The following FOCAD variants were observed in gnomAD, a reference collection of about 807,000 sequenced individuals.
FOCAD encodes KIAA1797.
A neutral mutation model predicts 225.6 loss-of-function variants in FOCAD; 198 were observed. The observed-to-expected ratio is 0.88, with a 90% CI of 0.78 to 0.99. The LOEUF (loss-of-function observed/expected upper bound fraction) is 0.99. Among genes scored for constraint, FOCAD ranks in the 50% least tolerant of loss-of-function variants. The pLI is 0.00. For synonymous variants in FOCAD, 897 were observed against 755.0 expected (o/e 1.19, Z -3.08); for missense variants, 2,713 against 2,123.6 (o/e 1.28, Z -5.46).
intron 15 of FOCAD, among the ~76,000 whole-genome samples, chr9:20,857,252 GT>G (rs1339483818): frequency 2.0e-5 from 3 of 151,640 alleles, no homozygotes; most frequent in African/African-American, 4.8e-5. Context: ...TTTTTTCTGT[GT>G]GTCCTCTTCA....
chr9:20,932,847 C>T (rs1235322239), intron 27 of FOCAD, among the ~76,000 whole-genome samples, 167 bp from the exon 28 acceptor site: 1 of 151,796 alleles, frequency 6.6e-6, no homozygotes, highest in Non-Finnish European at 1.5e-5. Flanking sequence ...GACTTAGTTT[C>T]TGTAACTACC....
In FOCAD at chr9:20,789,375, G is replaced by C. The variant is rs1234956058; in HGVS notation, c.1222G>C (p.Val408Leu). The change falls in exon 11 of 44, where the codon GTA (valine) becomes CTA (leucine). Residue 408 changes from valine to leucine, a missense_variant. Transcript: ENST00000338382. ...QKLSYKLVCPVTSMYGTIFTA... is the reference protein window; with the variant it reads ...QKLSYKLVCPLTSMYGTIFTA... ...GCTCTCCTACAAGCTTGTGTGCCCTGTAACCAGTATGTATGGTACAATATT... is the reference window on the plus strand; with the variant it reads ...GCTCTCCTACAAGCTTGTGTGCCCTCTAACCAGTATGTATGGTACAATATT... 1 of 1,613,736 alleles carries C rather than the reference G, an allele frequency of 6.2e-7. No homozygotes were observed. The highest frequency in any genetic ancestry group is 1.3e-5 in the African/African-American group (1 of 74,890).
chr9:20,935,775 G>T (rs1414505602), intron 28 of FOCAD, among the ~76,000 whole-genome samples: 1 of 152,188 alleles, frequency 6.6e-6, no homozygotes, highest in Non-Finnish European at 1.5e-5. Flanking sequence ...GATGATTTAT[G>T]TTTCCCTGTG....
intron 21 of FOCAD, among the ~76,000 whole-genome samples, chr9:20,905,077 A>G (rs1832847086): frequency 1.3e-5 from 2 of 151,964 alleles, no homozygotes; most frequent in South Asian, 4.1e-4. Context: ...CTTCATTAAG[A>G]GAAAAAGCAA....
upstream of FOCAD, chr9:20,684,029 G>C (rs1822498792): frequency 6.6e-6 from 1 of 152,466 alleles, no homozygotes; most frequent in East Asian, 1.9e-4. Flanking sequence ...GCCAGCCCCC[G>C]CGCGCAGCCC....
chr9:20,907,716 A>G (rs1193165681), intron 22 of FOCAD, among the ~76,000 whole-genome samples: 1 of 151,900 alleles, frequency 6.6e-6, no homozygotes, highest in South Asian at 2.1e-4. Context: ...TTTTAAACAC[A>G]CTATTCTTTC....
intron 4 of FOCAD, among the ~76,000 whole-genome samples, chr9:20,724,814 C>T (rs1057372735): frequency 3.3e-5 from 5 of 152,100 alleles, no homozygotes; most frequent in African/African-American, 9.7e-5. Flanking sequence ...TAGCCTCCTC[C>T]TCCAAAATGA....
Position 20,995,374 on chromosome 9 carries a change from A to AAC in FOCAD, c.5333-181_5333-180insCA, listed in dbSNP as rs56146157. Among the ~76,000 whole-genome samples the AAC allele has an allele frequency of 0.73, 107,459 of 147,882 alleles. 39,268 individuals are homozygous for AAC. Among genetic ancestry groups the AAC allele is most frequent in the East Asian group, 0.93 (4,764 of 5,114 alleles). Reference sequence around the variant, plus strand: ...GCAGGGTAACTTAAAAAAAAAAAAAAAAACAACTTTCCCCCCAACATTTAT... The same window carrying AAC: ...GCAGGGTAACTTAAAAAAAAAAAAAAACAAACAACTTTCCCCCCAACATTTAT... On this transcript the variant is annotated intron_variant, in intron 43 of 43. Coordinates refer to ENST00000338382, the MANE Select transcript of FOCAD (RefSeq NM_001375567.1).
chr9:20,920,868 A>T (rs1385636229), intron 24 of FOCAD, among the ~76,000 whole-genome samples: 3 of 151,232 alleles, frequency 2.0e-5, no homozygotes, highest in Non-Finnish European at 4.4e-5. Flanking sequence ...ATGCTAAATG[A>T]CGAGTTAGTG....
intron 21 of FOCAD, among the ~76,000 whole-genome samples, chr9:20,887,269 C>G (rs1198553235): frequency 1.3e-5 from 2 of 151,216 alleles, no homozygotes; most frequent in Non-Finnish European, 1.5e-5. Flanking sequence ...AAGTCTCACT[C>G]TGCTGTCCAG....
intron 27 of FOCAD, among the ~76,000 whole-genome samples, chr9:20,931,804 T>A (rs139825481): frequency 8.0e-4 from 121 of 151,736 alleles, no homozygotes; most frequent in African/African-American, 2.8e-3. Context: ...AAGCTGAGGC[T>A]TGAGAATTGC....
intron 15 of FOCAD, among the ~76,000 whole-genome samples, chr9:20,854,518 A>C (rs1489437669): frequency 6.6e-6 from 1 of 151,750 alleles, no homozygotes; most frequent in Non-Finnish European, 1.5e-5. Context: ...TGGATTTCTG[A>C]CTTTAAAACG....
At chr9:20,758,620 G>T (rs1829286495) in intron 6 of FOCAD, among the ~76,000 whole-genome samples, 1 of 150,814 alleles carries the variant, frequency 6.6e-6, no homozygotes, top group Admixed American at 6.7e-5. Flanking sequence ...GCGGTGTTTG[G>T]TTTTTTGTTC....
At chr9:20,746,120 C>T (rs960080838) in intron 5 of FOCAD, among the ~76,000 whole-genome samples, 6 of 152,146 alleles carry the variant, frequency 3.9e-5, no homozygotes, top group African/African-American at 1.2e-4. Flanking sequence ...GATTTAAGTG[C>T]GCAAAGACCA....
intron 28 of FOCAD, among the ~76,000 whole-genome samples, chr9:20,938,178 C>T (rs1836199289): frequency 6.6e-6 from 1 of 152,188 alleles, no homozygotes; most frequent in African/African-American, 2.4e-5. Flanking sequence ...GTGGCGATTC[C>T]TCAGGGATCT....
In FOCAD at chr9:20,820,821, C is replaced by G. The variant is rs746624293; in HGVS notation, c.1663-120C>G. 7 of 1,086,794 alleles carry G rather than the reference C, an allele frequency of 6.4e-6. No homozygotes were observed. The African/African-American group carries it at 7.9e-5, about 12-fold the overall frequency. The allele number at this position is 1,086,794 out of a possible 1,614,324, so 67.3% of individuals were successfully genotyped here. A position where few individuals can be genotyped will look rare whatever the true frequency, so the allele number is the denominator to read the frequency against. ...CAATCTTCTCTGCTGATTAGAAGAA[C>G]GACAGTATAATTTGCAATGCAAATG... On this transcript the variant is annotated intron_variant, in intron 13 of 43. Coordinates refer to ENST00000338382, the MANE Select transcript of FOCAD (RefSeq NM_001375567.1).
chr9:20,861,841 C>T (rs1016756491), intron 15 of FOCAD, among the ~76,000 whole-genome samples: 3 of 152,132 alleles, frequency 2.0e-5, no homozygotes, highest in African/African-American at 7.2e-5. Context: ...AAACATCTAT[C>T]AGTGAAAAAA....
At chr9:20,921,548 A>G (rs530626829) in intron 24 of FOCAD, among the ~76,000 whole-genome samples, 1 of 152,310 alleles carries the variant, frequency 6.6e-6, no homozygotes, top group Admixed American at 6.5e-5. Flanking sequence ...TCATTGTGGC[A>G]GGCATGAAGG....
At chr9:20,757,573 A>G (rs1001750707) in intron 5 of FOCAD, among the ~76,000 whole-genome samples, 3 of 152,078 alleles carry the variant, frequency 2.0e-5, no homozygotes, top group African/African-American at 4.8e-5. Flanking sequence ...CCTTTTTTCT[A>G]TTCTTAAATA....
Sources: gnomAD v4.1 joint callset for allele counts (sites outside exome capture counted in the v4.1 genomes callset) on GRCh38, gnomAD v4.1.1 for gene constraint, MANE v1.5 for transcripts, NCBI Gene and HGNC (gene_info 2026-07-23, HGNC 2026-07-21) for gene names.